Variants in KIF6 observed in about 807,000 individuals in gnomAD.
The protein encoded by KIF6 is kinesin family member 6.
In KIF6, 106 loss-of-function variants were observed where a neutral mutation model predicts 112.7. The observed-to-expected ratio is 0.94, with a 90% CI of 0.80 to 1.11. The LOEUF is 1.11. Ranked by LOEUF, KIF6 falls within the 50% of genes least tolerant of loss-of-function variation. KIF6 has a pLI of 0.00. For synonymous variants in KIF6, 339 were observed against 339.9 expected (o/e 1.00, Z 0.03); for missense variants, 929 against 964.0 (o/e 0.96, Z 0.48).
intron 14 of KIF6, among the ~76,000 whole-genome samples, chr6:39,422,829 G>A (rs1770470792): frequency 6.6e-6 from 1 of 152,136 alleles, no homozygotes; most frequent in Admixed American, 6.5e-5. Context: ...ACTTCACCAG[G>A]GGGAGTTTCC....
At position 39,449,397 on chromosome 6, in the gene KIF6, G is replaced by A. The variant is rs550119065; in HGVS notation, c.1646-18236C>T. Among the ~76,000 whole-genome samples, 20 of 152,226 alleles carry A rather than the reference G, an allele frequency of 1.3e-4. No homozygotes were observed. The East Asian group carries it at 1.9e-3, about 15-fold the overall frequency. ...TTCATGCCTTCTTGGCTCCCTGGCC[G>A]CCTTTCAGCTGCTCAACTATGGAAG... On this transcript the variant is annotated intron_variant, in intron 13 of 22. Coordinates refer to ENST00000287152, the MANE Select transcript of KIF6 (RefSeq NM_145027.6).
intron 10 of KIF6, among the ~76,000 whole-genome samples, chr6:39,553,526 TC>T (rs1476074241): frequency 6.6e-6 from 1 of 152,240 alleles, no homozygotes; most frequent in East Asian, 1.9e-4. Flanking sequence ...GCCAGGTACT[TC>T]TGTTTACAGA....
At chr6:39,609,277 C>G (rs1783071037) in intron 6 of KIF6, among the ~76,000 whole-genome samples, 1 of 152,144 alleles carries the variant, frequency 6.6e-6, no homozygotes, top group African/African-American at 2.4e-5. Context: ...GCTGCCCACC[C>G]AGGGGACCCC....
At position 39,588,461 on chromosome 6, in the gene KIF6, G is replaced by A. The variant is rs551028040; in HGVS notation, c.847-2057C>T. On this transcript the variant is annotated intron_variant, in intron 7 of 22. Coordinates refer to ENST00000287152, the MANE Select transcript of KIF6 (RefSeq NM_145027.6). ...AACTCCTGGCTCCAGTGATCCACCC[G>A]CCTCGGCCTCCCAAAGTGCTAGGAT... 5.3e-5 allele frequency among the ~76,000 whole-genome samples: 8 copies of A among 152,150 alleles called. No individual in the cohort carries two copies. In the East Asian group the frequency reaches 5.8e-4, roughly 11 times the overall value.
intron 6 of KIF6, among the ~76,000 whole-genome samples, chr6:39,598,009 TACAAAACAAA>T (rs945924282): frequency 2.0e-5 from 3 of 151,702 alleles, no homozygotes; most frequent in East Asian, 1.9e-4. Context: ...GTACTAAAAA[TACAAAACAAA>T]ACAAAACAAA....
chr6:39,529,251 T>C (rs537280446), intron 13 of KIF6, among the ~76,000 whole-genome samples: 1 of 152,270 alleles, frequency 6.6e-6, no homozygotes, highest in African/African-American at 2.4e-5. Context: ...ATCTGGGCAA[T>C]AATTTTTTAG....
At chr6:39,658,484 A>G (rs528804795) in intron 3 of KIF6, among the ~76,000 whole-genome samples, 1 of 152,322 alleles carries the variant, frequency 6.6e-6, no homozygotes, top group East Asian at 1.9e-4. Context: ...AAGACCAAAA[A>G]AATTATACCT....
chr6:39,702,532 A>G (rs965939642), intron 3 of KIF6, among the ~76,000 whole-genome samples: 1 of 152,244 alleles, frequency 6.6e-6, no homozygotes, highest in African/African-American at 2.4e-5. Flanking sequence ...TGTCTCTCAC[A>G]CAACTTAATA....
chr6:39,492,002 C>T (rs979048164), intron 13 of KIF6, among the ~76,000 whole-genome samples: 15 of 152,074 alleles, frequency 9.9e-5, no homozygotes, highest in Admixed American at 9.2e-4. Context: ...TTAAAGGATC[C>T]GGAACAGCCT....
At chr6:39,610,135 G>A (rs1783134359) in intron 6 of KIF6, among the ~76,000 whole-genome samples, 1 of 152,130 alleles carries the variant, frequency 6.6e-6, no homozygotes, top group Non-Finnish European at 1.5e-5. Flanking sequence ...GACAAAAAAA[G>A]TATCAAGTTA....
intron 3 of KIF6, among the ~76,000 whole-genome samples, chr6:39,684,616 CAA>C (rs58959171): frequency 1.2e-3 from 158 of 130,732 alleles, no homozygotes; most frequent in African/African-American, 3.7e-3. Flanking sequence ...ACCTCTGTCT[CAA>C]AAAAAAAAAA....
At chr6:39,614,503 A>G (rs927536396) in intron 5 of KIF6, among the ~76,000 whole-genome samples, 1 of 152,184 alleles carries the variant, frequency 6.6e-6, no homozygotes, top group African/African-American at 2.4e-5. Context: ...TTTTGTAAGA[A>G]AGTTATCTGG....
intron 13 of KIF6, among the ~76,000 whole-genome samples, chr6:39,495,635 T>C (rs1011202196): frequency 6.6e-6 from 1 of 152,190 alleles, no homozygotes; most frequent in Non-Finnish European, 1.5e-5. Context: ...TGAAAAATGA[T>C]GGATTAAACA....
chr6:39,623,371 T>C (rs991423330), intron 5 of KIF6, among the ~76,000 whole-genome samples: 1 of 152,204 alleles, frequency 6.6e-6, no homozygotes, highest in Admixed American at 6.5e-5. Context: ...TACTCATTAA[T>C]ATGAGAACAC....
chr6:39,685,632 C>T (rs1324390349), intron 3 of KIF6, among the ~76,000 whole-genome samples: 3 of 152,188 alleles, frequency 2.0e-5, no homozygotes, highest in Admixed American at 6.5e-5. Flanking sequence ...TTTACTCCAG[C>T]AATATTCAGC....
chr6:39,474,046 G>T (rs945717297), intron 13 of KIF6, among the ~76,000 whole-genome samples: 9 of 152,138 alleles, frequency 5.9e-5, no homozygotes, highest in African/African-American at 2.2e-4. Flanking sequence ...CTTCCTCAGA[G>T]GCTTCCTGTT....
intron 3 of KIF6, among the ~76,000 whole-genome samples, chr6:39,641,858 C>G (rs1425909573): frequency 6.6e-6 from 1 of 152,118 alleles, no homozygotes; most frequent in Admixed American, 6.6e-5. Context: ...TTAATATGTG[C>G]TCCCCCTACC....
At chr6:39,657,549 C>T (rs1785874719) in intron 3 of KIF6, among the ~76,000 whole-genome samples, 3 of 152,184 alleles carry the variant, frequency 2.0e-5, no homozygotes, top group Admixed American at 2.0e-4. Context: ...TTTTAACAAG[C>T]AGTGTCAACA....
chr6:39,705,993 G>C (rs1276624397), intron 3 of KIF6, among the ~76,000 whole-genome samples: 1 of 152,170 alleles, frequency 6.6e-6, no homozygotes, highest in Non-Finnish European at 1.5e-5. Flanking sequence ...TGCAGAATCA[G>C]TGCATCTCCG....
Sources: gnomAD v4.1 joint callset for allele counts (sites outside exome capture counted in the v4.1 genomes callset) on GRCh38, gnomAD v4.1.1 for gene constraint, MANE v1.5 for transcripts, NCBI Gene and HGNC (gene_info 2026-07-23, HGNC 2026-07-21) for gene names.